Variants in C19orf67 observed in about 807,000 individuals in gnomAD.
C19orf67 encodes the protein UPF0575 protein C19orf67.
In C19orf67, 28 loss-of-function variants were observed where a neutral mutation model predicts 41.4. That is an observed-to-expected ratio of 0.68 (90% CI 0.50 to 0.93). The LOEUF (loss-of-function observed/expected upper bound fraction) is 0.93, where lower values mean the gene tolerates loss of function less well. Among genes scored for constraint, C19orf67 ranks in the 40% least tolerant of loss-of-function variants. The pLI is 0.00. For missense variants in C19orf67, 421 were observed against 467.0 expected (o/e 0.90, Z 0.91); for synonymous variants, 242 against 203.4 (o/e 1.19, Z -1.62).
At chr19:14,085,019 G>GT (rs1976830779) in intron 1 of C19orf67, among the ~76,000 whole-genome samples, 1 of 152,146 alleles carries the variant, frequency 6.6e-6, no homozygotes, top group African/African-American at 2.4e-5. Flanking sequence ...GGCTCAAAAT[G>GT]TAAGACAGCA....
At chr19:14,084,860 C>T (rs1327807650) in intron 1 of C19orf67, among the ~76,000 whole-genome samples, 1 of 152,088 alleles carries the variant, frequency 6.6e-6, no homozygotes, top group Admixed American at 6.6e-5. Flanking sequence ...CAAACAAAAC[C>T]CAACCCAGCC....
At position 14,082,597 on chromosome 19, in the gene C19orf67, A is replaced by C. The variant is rs1338296119; in HGVS notation, c.774T>G (p.Phe258Leu). The C allele has an allele frequency of 6.5e-7, 1 of 1,536,022 alleles. No homozygotes were observed. Among genetic ancestry groups the C allele is most frequent in the Admixed American group, 2.0e-5 (1 of 50,928 alleles). Residue 258 changes from phenylalanine (F) to leucine (L), a missense_variant, in exon 5 of 6, where the codon TTT becomes TTG. Phe to Leu is a conservative substitution (Grantham distance 22). Around this residue, in one of 3 missense-constraint regions of C19orf67, gnomAD observed 253 missense variants for 307.0 expected, o/e 0.82. Transcript: ENST00000548523. ...RGQDSLVDYY[F>L]LCYRDTWEDT... ...CTTCCCAAGTATCTCGATAGCACAG[A>C]AAGTAGCTAGGAGGGGAGGGAGCTG...
intron 1 of C19orf67, 23 bp from the exon 2 acceptor site, chr19:14,083,900 G>A (rs1429675051): frequency 1.5e-6 from 2 of 1,299,806 alleles, no homozygotes; most frequent in Non-Finnish European, 2.0e-6. Context: ...GGGGGCCTTT[G>A]CCTGGAATCC....
At chr19:14,084,392 TA>T (rs61253783) in intron 1 of C19orf67, among the ~76,000 whole-genome samples, 113 of 133,354 alleles carry the variant, frequency 8.5e-4, no homozygotes, top group Middle Eastern at 3.9e-3. Context: ...CCTGTCTCAT[TA>T]AAAAAAAAAA....
Position 14,082,513 on chromosome 19 carries a change from G to A in C19orf67, c.858C>T (p.Gly286=), listed in dbSNP as rs1279952464. 1.3e-6 allele frequency: 2 copies of A among 1,536,230 alleles called. No homozygotes were observed. Among genetic ancestry groups the A allele is most frequent in the East Asian group, 4.9e-5 (2 of 40,916 alleles). Residue 286 remains glycine, a synonymous_variant, in exon 5 of 6, where the codon GGC becomes GGT. Coordinates refer to ENST00000548523, the MANE Select transcript of C19orf67 (RefSeq NM_001277378.2). ...CGGCTGGTCCTAGGGGCACCCATCG[G>A]CCGATGGACCACAGCTTCTGGATCT... The part of the protein sequence containing the change: ...CPQIQKLWSI[G]RWVPLGPAED...
In C19orf67 at chr19:14,083,713, T is replaced by C. The variant is rs1253397892; in HGVS notation, c.480+20A>G. Reference sequence around the variant, plus strand: ...GCTGCGAGAAGAAAGGGGCGTGGGGTCTAAGAAACCTCCACACACCCCCTT... The same window carrying C: ...GCTGCGAGAAGAAAGGGGCGTGGGGCCTAAGAAACCTCCACACACCCCCTT... On this transcript the variant is annotated intron_variant, in intron 2 of 5. Coordinates refer to ENST00000548523, the MANE Select transcript of C19orf67 (RefSeq NM_001277378.2). 7.5e-6 allele frequency: 11 copies of C among 1,474,828 alleles called. No homozygotes were observed. The highest frequency in any genetic ancestry group is 9.0e-6 in the Non-Finnish European group (10 of 1,112,872). 91.4% of individuals were successfully genotyped at this position (1,474,828 alleles called of 1,614,324 possible). A position where few individuals can be genotyped will look rare whatever the true frequency, so the allele number is the denominator to read the frequency against.
At chr19:14,084,279 A>G (rs1343345502) in intron 1 of C19orf67, among the ~76,000 whole-genome samples, 1 of 151,966 alleles carries the variant, frequency 6.6e-6, no homozygotes, top group African/African-American at 2.4e-5. Flanking sequence ...AGTCCCAGTT[A>G]CCCAGGAGGT....
In C19orf67 at chr19:14,085,743, C is replaced by A. The variant is rs931811995; in HGVS notation, c.-116G>T. The A allele has an allele frequency of 6.8e-6, 5 of 738,198 alleles. No individual in the cohort carries two copies. The African/African-American group carries it at 7.1e-5, about 11-fold the overall frequency. The allele number at this position is 738,198 out of a possible 1,614,324, so 45.7% of individuals were successfully genotyped here. A position where few individuals can be genotyped will look rare whatever the true frequency, so the allele number is the denominator to read the frequency against. On this transcript the variant is annotated 5_prime_UTR_variant, in exon 1 of 6. Coordinates refer to ENST00000548523, the MANE Select transcript of C19orf67 (RefSeq NM_001277378.2). ...ACTGGCCCCTGCCTTGACCTCTCCACCGGAGCCGCGCCGCCGCGCCGGGGG... is the reference window on the plus strand; with the variant it reads ...ACTGGCCCCTGCCTTGACCTCTCCAACGGAGCCGCGCCGCCGCGCCGGGGG...
chr19:14,082,064 C>A, intron 5 of C19orf67, 56 bp from the exon 6 acceptor site: 2 of 1,370,532 alleles, frequency 1.5e-6, no homozygotes, highest in Admixed American at 2.9e-5. Flanking sequence ...CCCTGCCCCT[C>A]GGGAGTCCCT....
At chr19:14,082,963 G>T (rs1211600918) in intron 4 of C19orf67, among the ~76,000 whole-genome samples, 1 of 151,840 alleles carries the variant, frequency 6.6e-6, no homozygotes, top group Non-Finnish European at 1.5e-5. Context: ...TCCTGCCTAA[G>T]CCTCCCAAGT....
intron 5 of C19orf67, 75 bp from the exon 6 acceptor site, chr19:14,082,083 G>T: frequency 1.6e-6 from 2 of 1,252,076 alleles, no homozygotes; most frequent in South Asian, 1.6e-5. Context: ...CTCCCTTTGA[G>T]TGAGAGGCTC....
chr19:14,083,739 T>C lies in C19orf67; in HGVS notation c.474A>G (p.Arg158=), dbSNP rs1441985197. ...CTAAGAAACCTCCACACACCCCCTT[T>C]CGGACCAGCTCCTGCAGGGGTCCAT... ...PIYGPLQELV[R]KGLLEISQQL... is the part of the protein sequence containing the mutation. Residue 158 remains arginine, a synonymous_variant, in exon 2 of 6, where the codon CGA becomes CGG. Transcript: ENST00000548523. The C allele has an allele frequency of 6.9e-7, 1 of 1,449,520 alleles. No individual in the cohort carries two copies. Among genetic ancestry groups the C allele is most frequent in the Non-Finnish European group, 9.1e-7 (1 of 1,102,132 alleles). The allele number at this position is 1,449,520 out of a possible 1,614,324, so 89.8% of individuals were successfully genotyped here. A position where few individuals can be genotyped will look rare whatever the true frequency, so the allele number is the denominator to read the frequency against.
intron 1 of C19orf67, among the ~76,000 whole-genome samples, 194 bp downstream of exon 1, chr19:14,085,096 TAGC>T (rs1245714130): frequency 6.6e-6 from 1 of 152,136 alleles, no homozygotes; most frequent in Non-Finnish European, 1.5e-5. Flanking sequence ...ACGACAGTAA[TAGC>T]AGCCATCCCC....
Position 14,083,343 on chromosome 19 carries a change from C to T in C19orf67, c.661G>A (p.Ala221Thr), listed in dbSNP as rs777311889. 6.5e-6 allele frequency: 10 copies of T among 1,535,856 alleles called. No homozygotes were observed. In the East Asian group the frequency reaches 1.5e-4, roughly 23 times the overall value. ...VSIFRYCAPT[A>T]YTASRFPRYL... is the part of the protein sequence containing the mutation. The stretch of plus-strand genomic sequence containing the variant: ...CGGGGGAAGCGGCTGGCAGTGTAGG[C>T]GGTTGGGGCACAGTATCTGAAGATG... Residue 221 changes from alanine to threonine, a missense_variant, in exon 4 of 6, where the codon GCC (alanine) becomes ACC (threonine). Physicochemically the swap from Ala to Thr is moderately conservative, Grantham distance 58. This residue lies in a region of C19orf67 where 253 missense variants were observed against 307.0 expected (regional missense o/e 0.82). Coordinates refer to ENST00000548523, the MANE Select transcript of C19orf67 (RefSeq NM_001277378.2).
Position 14,081,761 on chromosome 19 carries a change from G to GT in C19orf67, c.*72dup. 5 of 1,279,950 alleles carry GT rather than the reference G, an allele frequency of 3.9e-6. No individual in the cohort carries two copies. Among genetic ancestry groups the GT allele is most frequent in the Non-Finnish European group, 5.2e-6 (5 of 966,660 alleles). The allele number at this position is 1,279,950 out of a possible 1,614,324, so 79.3% of individuals were successfully genotyped here. On this transcript the variant is annotated 3_prime_UTR_variant, in exon 6 of 6. Coordinates refer to ENST00000548523, the MANE Select transcript of C19orf67 (RefSeq NM_001277378.2). ...AGGCCGGGCTGCACTGCGAGAACGA[G>GT]TGAGCCCCTCCCCTGCCCCCTATTC... is the stretch of plus-strand genomic sequence containing the variant.
At position 14,081,784 on chromosome 19, in the gene C19orf67, T is replaced by G; in HGVS notation, c.*50A>C. On this transcript the variant is annotated 3_prime_UTR_variant, in exon 6 of 6. Transcript: ENST00000548523. ...GAGTGAGCCCCTCCCCTGCCCCCTA[T>G]TCTGGAGTTTGGAACTGTCAAGTTC... The G allele has an allele frequency of 1.2e-5, 16 of 1,364,776 alleles. No individual in the cohort carries two copies. Among genetic ancestry groups the G allele is most frequent in the Admixed American group, 2.8e-5 (1 of 35,892 alleles). The allele number at this position is 1,364,776 out of a possible 1,614,324, so 84.5% of individuals were successfully genotyped here.
chr19:14,082,732 T>C, intron 4 of C19orf67, 129 bp from the exon 5 acceptor site: 1 of 754,334 alleles, frequency 1.3e-6, no homozygotes, highest in Non-Finnish European at 2.0e-6. Flanking sequence ...GGAATGTGAC[T>C]CCAAGGCCTT....
intron 1 of C19orf67, among the ~76,000 whole-genome samples, chr19:14,084,462 G>A (rs138444502): frequency 0.012 from 1,857 of 150,256 alleles, 11 homozygotes; most frequent in Non-Finnish European, 0.019. Flanking sequence ...AGCTGAGTTC[G>A]CCCCACTGCA....
At chr19:14,084,078 G>A (rs992870040) in intron 1 of C19orf67, among the ~76,000 whole-genome samples, 7 of 152,038 alleles carry the variant, frequency 4.6e-5, no homozygotes, top group African/African-American at 1.5e-4. Context: ...GCTGACACCT[G>A]AGTCTCACAA....
Sources: allele counts gnomAD v4.1 joint callset (sites outside exome capture counted in the v4.1 genomes callset), GRCh38; gene constraint gnomAD v4.1.1; regional missense constraint gnomAD v4.1.1; transcripts MANE v1.5; gene names NCBI Gene and HGNC (gene_info 2026-07-23, HGNC 2026-07-21).